Variants in CAD observed in about 807,000 individuals in gnomAD.
The protein encoded by CAD is multifunctional protein CAD.
CAD carries 81 observed loss-of-function variants against 237.2 expected under a neutral mutation model. The observed-to-expected ratio is 0.34, with a 90% CI of 0.29 to 0.41. The LOEUF (loss-of-function observed/expected upper bound fraction) is 0.41. CAD is among the 10% of genes least tolerant of loss of function. CAD has a pLI of 1.00. For missense variants in CAD, 2,181 were observed against 2,951.7 expected, an observed-to-expected ratio of 0.74 and a Z score of 6.05; for synonymous variants, 1,196 against 1,162.8, an observed-to-expected ratio of 1.03 and a Z score of -0.58.
Position 27,240,416 on chromosome 2 carries a change from T to A in CAD, c.5593+55T>A. ...CTGTGTAGGGACAGGATCCACTTCT[T>A]CCCAGTGCCTCGCCTTTCTCTACTT... On this transcript the variant is annotated intron_variant, in intron 35 of 43. Transcript: ENST00000264705. This position sits in a 1 kb window ranked among gnomAD's most constrained non-coding sequence, Gnocchi z 4.6. The A allele has an allele frequency of 6.5e-7, 1 of 1,544,110 alleles. No individual in the cohort carries two copies. The highest frequency in any genetic ancestry group is 9.0e-7 in the Non-Finnish European group (1 of 1,116,206).
rs1421710361 is a variant in CAD, at chr2:27,232,791, CCTTA to C, written c.2892+101_2892+104del. On this transcript the variant is annotated intron_variant, in intron 18 of 43. Transcript: ENST00000264705. The surrounding 1 kb of genome is among the most constrained non-coding windows in gnomAD (Gnocchi z 4.1). Reference sequence around the variant, plus strand: ...CTGGCATTTCCTATTAATTGCCGTCCCTTACTTTGGTCATAGAGCTTTGGGGTGG... The same window carrying C: ...CTGGCATTTCCTATTAATTGCCGTCCCTTTGGTCATAGAGCTTTGGGGTGG... 1.3e-6 allele frequency: 2 copies of C among 1,493,372 alleles called. No homozygotes were observed. The highest frequency in any genetic ancestry group is 1.8e-6 in the Non-Finnish European group (2 of 1,082,674). The allele number at this position is 1,493,372 out of a possible 1,614,324, so 92.5% of individuals were successfully genotyped here.
In CAD at chr2:27,234,574, C is replaced by G; in HGVS notation, c.3675C>G (p.Phe1225Leu). 2 of 1,614,040 alleles carry G rather than the reference C, an allele frequency of 1.2e-6. No individual in the cohort carries two copies. Among genetic ancestry groups the G allele is most frequent in the Non-Finnish European group, 1.7e-6 (2 of 1,179,926 alleles). Reference sequence around the variant, plus strand: ...TACGTGTCTCTCGCTCCTTCCCCTTCGTTTCCAAGACACTGGGTGTGGACC... The same window carrying G: ...TACGTGTCTCTCGCTCCTTCCCCTTGGTTTCCAAGACACTGGGTGTGGACC... ...CNVRVSRSFP[F>L]VSKTLGVDLV... is the part of the protein sequence containing the mutation. Residue 1225 changes from phenylalanine (F) to leucine (L), a missense_variant, in exon 23 of 44, where the codon TTC becomes TTG. Transcript: ENST00000264705.
rs1676433325 is a variant in CAD at position 27,243,448 on chromosome 2, A to G, written c.6608A>G (p.Tyr2203Cys). 1 of 1,592,300 alleles carries G rather than the reference A, an allele frequency of 6.3e-7. No individual in the cohort carries two copies. The highest frequency in any genetic ancestry group is 1.5e-5 in the African/African-American group (1 of 67,964). The change falls in exon 44 of 44, where the codon TAC (tyrosine) becomes TGC (cysteine). Residue 2203 changes from tyrosine (Y) to cysteine (C), a missense_variant. This residue lies in a region of CAD where 170 missense variants were observed against 212.1 expected (regional missense o/e 0.80). Transcript: ENST00000264705. ...VEVDSDPRAA[Y>C]FRQAENGMYI... ...GTGGACTCGGATCCCCGCGCAGCCT[A>G]CTTCCGCCAGGCTGAGAACGGCATG... is the stretch of plus-strand genomic sequence containing the variant.
At chr2:27,226,073 G>A (rs936200439) in intron 12 of CAD, 58 bp from the exon 13 acceptor site, 9 of 1,553,212 alleles carry the variant, frequency 5.8e-6, no homozygotes, top group East Asian at 2.2e-5. Context: ...CTGGGGTGCA[G>A]CCTTCTGCCT....
At chr2:27,225,626 A>G (rs1351189070) in intron 11 of CAD, 79 bp from the exon 12 acceptor site, 17 of 1,120,412 alleles carry the variant, frequency 1.5e-5, no homozygotes, top group Non-Finnish European at 2.0e-5. Context: ...TATTTTCTTT[A>G]TATCTTTTTT....
chr2:27,226,303 A>G lies in CAD; in HGVS notation c.2015A>G (p.Asn672Ser). 6.2e-7 allele frequency: 1 copy of G among 1,614,070 alleles called. No individual in the cohort carries two copies. The change falls in exon 13 of 44, where the codon AAC becomes AGC. Residue 672 changes from asparagine to serine, a missense_variant. This residue lies in a region of CAD where 385 missense variants were observed against 535.1 expected (regional missense o/e 0.72). Coordinates refer to ENST00000264705, the MANE Select transcript of CAD (RefSeq NM_004341.5). ...GAGTGCAATGTGCAGTATGCCTTGA[A>G]CCCTGAGTCTGAGCAGGTAAGCTCT... Reference protein sequence around the residue: ...VGECNVQYALNPESEQYYIIE... With the variant: ...VGECNVQYALSPESEQYYIIE...
chr2:27,233,174 T>G lies in CAD; in HGVS notation c.2991+34T>G, dbSNP rs144160073. The G allele has an allele frequency of 7.8e-4, 1,195 of 1,541,776 alleles. 5 individuals are homozygous for G. The African/African-American group carries it at 0.014, about 18-fold the overall frequency. On this transcript the variant is annotated intron_variant, in intron 19 of 43. Coordinates refer to ENST00000264705, the MANE Select transcript of CAD (RefSeq NM_004341.5). The surrounding 1 kb of genome is among the most constrained non-coding windows in gnomAD (Gnocchi z 6.3). ...GATGGAGGCTTCCTGGTAGCTTGAG[T>G]GGCCAGGGTCGAGTAGAACAGCTGG...
chr2:27,243,429 T>C lies in CAD; in HGVS notation c.6589T>C (p.Ser2197Pro). The change falls in exon 44 of 44, where the codon TCG (serine) becomes CCG (proline). Residue 2197 changes from serine (S) to proline (P), a missense_variant. Ser to Pro is a moderately conservative substitution (Grantham distance 74, BLOSUM62 -1). Around this residue, in one of 12 missense-constraint regions of CAD, gnomAD observed 170 missense variants for 212.1 expected, o/e 0.80. Coordinates refer to ENST00000264705, the MANE Select transcript of CAD (RefSeq NM_004341.5). Reference protein sequence around the residue: ...RVNEISVEVDSDPRAAYFRQA... With the variant: ...RVNEISVEVDPDPRAAYFRQA... ...TTTTTTTTGCAGCGTGGAAGTGGAC[T>C]CGGATCCCCGCGCAGCCTACTTCCG... The C allele has an allele frequency of 6.9e-7, 1 of 1,440,584 alleles. No homozygotes were observed. Among genetic ancestry groups the C allele is most frequent in the Non-Finnish European group, 9.6e-7 (1 of 1,037,702 alleles). 89.2% of individuals were successfully genotyped at this position (1,440,584 alleles called of 1,614,324 possible). A position where few individuals can be genotyped will look rare whatever the true frequency, so the allele number is the denominator to read the frequency against.
At chr2:27,218,809 C>T (rs190163678) in intron 2 of CAD, among the ~76,000 whole-genome samples, 25 of 152,296 alleles carry the variant, frequency 1.6e-4, no homozygotes, top group African/African-American at 6.0e-4. Flanking sequence ...GTCAATCTGG[C>T]CTAGAGTAGT....
In CAD at chr2:27,225,693, C is replaced by T; in HGVS notation, c.1621-12C>T. The T allele has an allele frequency of 1.9e-6, 3 of 1,594,160 alleles. No homozygotes were observed. The highest frequency in any genetic ancestry group is 1.3e-5 in the African/African-American group (1 of 74,678). ...AAATAACCTGTTTGTTCATCTCTTC[C>T]ACTCATTGCAGGCCCAGGCAGCCGC... is the stretch of plus-strand genomic sequence containing the variant. On this transcript the variant is annotated splice_polypyrimidine_tract_variant and intron_variant, in intron 11 of 43. Transcript: ENST00000264705.
Position 27,239,427 on chromosome 2 carries a change from C to T in CAD, c.5350C>T (p.Arg1784Cys). The T allele has an allele frequency of 6.2e-7, 1 of 1,614,036 alleles. No homozygotes were observed. Among genetic ancestry groups the T allele is most frequent in the Non-Finnish European group, 8.5e-7 (1 of 1,179,938 alleles). The change falls in exon 33 of 44, where the codon CGC (arginine) becomes TGC (cysteine). Residue 1784 changes from arginine to cysteine, a missense_variant. Physicochemically the swap from Arg to Cys is radical, Grantham distance 180 (BLOSUM62 -3). Transcript: ENST00000264705. This position sits in a 1 kb window ranked among gnomAD's most constrained non-coding sequence, Gnocchi z 4.0. ...FEGQKVKGTV[R>C]RVVLRGEVAY... ...AGGGCAGAAAGTGAAGGGCACCGTC[C>T]GCCGTGTGGTCCTGCGAGGGGAGGT...
Position 27,217,645 on chromosome 2 carries a change from C to G in CAD, c.82+12C>G. Reference sequence around the variant, plus strand: ...TGCCGGGGAAGTGGGTAAGCAAGCCCGGTTAGGCTGCAGACCTTATCCCAC... The same window carrying G: ...TGCCGGGGAAGTGGGTAAGCAAGCCGGGTTAGGCTGCAGACCTTATCCCAC... On this transcript the variant is annotated intron_variant, in intron 1 of 43. Coordinates refer to ENST00000264705, the MANE Select transcript of CAD (RefSeq NM_004341.5). The G allele has an allele frequency of 6.3e-7, 1 of 1,596,804 alleles. No homozygotes were observed. Among genetic ancestry groups the G allele is most frequent in the Non-Finnish European group, 8.5e-7 (1 of 1,171,652 alleles).
At chr2:27,219,853 C>T (rs534134572) in intron 2 of CAD, among the ~76,000 whole-genome samples, 5 of 152,174 alleles carry the variant, frequency 3.3e-5, no homozygotes, top group African/African-American at 9.6e-5. Context: ...CCTCCCAAAG[C>T]GCTGGGATTA....
Position 27,224,430 on chromosome 2 carries a change from C to A in CAD, c.1194C>A (p.Ile398=), listed in dbSNP as rs768144825. 3 of 1,614,210 alleles carry A rather than the reference C, an allele frequency of 1.9e-6. No individual in the cohort carries two copies. In the South Asian group the frequency reaches 3.3e-5, roughly 18 times the overall value. ...SGLPPPRKVL[I]LGSGGLSIGQ... Reference sequence around the variant, plus strand: ...TTCCACCACCACGAAAGGTTCTGATCCTGGGCTCAGGGGGCCTCTCCATTG... The same window carrying A: ...TTCCACCACCACGAAAGGTTCTGATACTGGGCTCAGGGGGCCTCTCCATTG... The change falls in exon 9 of 44, where the codon ATC becomes ATA. Residue 398 remains isoleucine, a synonymous_variant. Coordinates refer to ENST00000264705, the MANE Select transcript of CAD (RefSeq NM_004341.5).
In CAD at chr2:27,239,715, T is replaced by C. The variant is rs375827873; in HGVS notation, c.5413T>C (p.Tyr1805His). 3 of 1,592,048 alleles carry C rather than the reference T, an allele frequency of 1.9e-6. No homozygotes were observed. The highest frequency in any genetic ancestry group is 2.6e-6 in the Non-Finnish European group (3 of 1,168,026). ...IDGQVLVPPG[Y>H]GQDVRKWPQG... ...CCTGCAGGTTCTGGTACCCCCGGGC[T>C]ATGGACAGGATGTACGGAAGTGGCC... The change falls in exon 34 of 44, where the codon TAT becomes CAT. Residue 1805 changes from tyrosine (Y) to histidine (H), a missense_variant. Physicochemically the swap from Tyr to His is moderately conservative, Grantham distance 83 (BLOSUM62 2). Around this residue, in one of 12 missense-constraint regions of CAD, gnomAD observed 478 missense variants for 515.0 expected, o/e 0.93. Transcript: ENST00000264705. The surrounding 1 kb of genome is among the most constrained non-coding windows in gnomAD (Gnocchi z 4.0).
At chr2:27,223,480 A>G (rs1675282481) in intron 6 of CAD, 83 bp from the exon 7 acceptor site, 1 of 1,191,444 alleles carries the variant, frequency 8.4e-7, no homozygotes, top group Non-Finnish European at 1.2e-6. Context: ...TACTGAGAAC[A>G]GGAGATCGGT....
intron 2 of CAD, 75 bp from the exon 3 acceptor site, chr2:27,221,143 T>C (rs954556106): frequency 2.2e-6 from 3 of 1,339,142 alleles, no homozygotes; most frequent in African/African-American, 1.5e-5. Context: ...ATAGGGTCTG[T>C]GGCCACACAA....
At chr2:27,225,310 T>C (rs1675385064) in intron 11 of CAD, 67 bp downstream of exon 11, 17 of 963,192 alleles carry the variant, frequency 1.8e-5, no homozygotes, top group South Asian at 1.7e-4. Flanking sequence ...TTTCTTTTTT[T>C]TTTTTTTTTT....
Position 27,224,989 on chromosome 2 carries a change from A to C in CAD, c.1387-21A>C, listed in dbSNP as rs759940468. 2.7e-5 allele frequency: 44 copies of C among 1,606,904 alleles called. No individual in the cohort carries two copies. In the South Asian group the frequency reaches 4.7e-4, roughly 17 times the overall value. ...CTACCCACAAGGTTCTGATGCCTGT[A>C]ACTCCCCTCTCCATCCTCAGGTGAT... On this transcript the variant is annotated intron_variant, in intron 10 of 43. Coordinates refer to ENST00000264705, the MANE Select transcript of CAD (RefSeq NM_004341.5).
Sources: gnomAD v4.1 joint callset for allele counts (sites outside exome capture counted in the v4.1 genomes callset) on GRCh38, gnomAD v4.1.1 for gene constraint, gnomAD v4.1.1 regional missense constraint, Gnocchi (gnomAD v3.1) non-coding constraint, MANE v1.5 for transcripts, NCBI Gene and HGNC (gene_info 2026-07-23, HGNC 2026-07-21) for gene names.